Variants in PCSK5 observed in about 807,000 individuals in gnomAD.
PCSK5 encodes the protein prohormone convertase 5.
Under a neutral mutation model 233.2 loss-of-function variants are expected in PCSK5, and 129 were observed. The ratio of observed to expected loss-of-function variants is 0.55; its 90% CI spans 0.48 to 0.64. The LOEUF is 0.64. Among genes scored for constraint, PCSK5 ranks in the 30% least tolerant of loss-of-function variants. The pLI, the probability that PCSK5 is intolerant of heterozygous loss-of-function variation, is 0.00. For missense variants in PCSK5, 2,076 were observed against 2,430.1 expected, an observed-to-expected ratio of 0.85 and a Z score of 3.06; for synonymous variants, 825 against 879.2, an observed-to-expected ratio of 0.94 and a Z score of 1.09.
At chr9:76,251,260 C>G (rs573011754) in intron 24 of PCSK5, among the ~76,000 whole-genome samples, 5 of 151,530 alleles carry the variant, frequency 3.3e-5, no homozygotes, top group Non-Finnish European at 7.4e-5. Flanking sequence ...GAGTTAGACC[C>G]CATCTCTAAA....
chr9:76,111,811 C>T (rs1325911787), intron 9 of PCSK5, among the ~76,000 whole-genome samples: 2 of 152,136 alleles, frequency 1.3e-5, no homozygotes, highest in African/African-American at 4.8e-5. Flanking sequence ...CCTGGCAGAA[C>T]ACCTTATGTT....
At chr9:76,027,158 G>A (rs551149088) in intron 5 of PCSK5, 121 bp downstream of exon 5, 2 of 609,454 alleles carry the variant, frequency 3.3e-6, no homozygotes, top group Non-Finnish European at 5.8e-6. Flanking sequence ...TTTGCTCCAA[G>A]ATTAACAAGT....
intron 2 of PCSK5, among the ~76,000 whole-genome samples, chr9:75,960,694 T>C (rs1381772858): frequency 6.6e-6 from 1 of 152,210 alleles, no homozygotes; most frequent in African/African-American, 2.4e-5. Flanking sequence ...GAGATGAGCA[T>C]CGGCTCTCCT....
intron 9 of PCSK5, among the ~76,000 whole-genome samples, chr9:76,111,098 C>T (rs1832194723): frequency 6.6e-6 from 1 of 151,924 alleles, no homozygotes; most frequent in African/African-American, 2.4e-5. Flanking sequence ...CAGAGCAAGT[C>T]TCTGTCTCAA....
chr9:76,075,782 GC>G (rs1486031373), intron 7 of PCSK5, among the ~76,000 whole-genome samples: 1 of 152,106 alleles, frequency 6.6e-6, no homozygotes, highest in Non-Finnish European at 1.5e-5. Context: ...AGTCATTCTG[GC>G]CTATTGGGGT....
At chr9:76,148,024 C>T (rs893964155) in intron 10 of PCSK5, among the ~76,000 whole-genome samples, 3 of 152,016 alleles carry the variant, frequency 2.0e-5, no homozygotes, top group South Asian at 2.1e-4. Flanking sequence ...GAATTAGCTG[C>T]GTCCATTTCC....
At chr9:76,030,195 T>C (rs1828597174) in intron 5 of PCSK5, among the ~76,000 whole-genome samples, 1 of 152,160 alleles carries the variant, frequency 6.6e-6, no homozygotes, top group South Asian at 2.1e-4. Context: ...TTTTCTGTTA[T>C]TTAAGTCCAT....
At chr9:75,902,392 C>T (rs1024898208) in intron 1 of PCSK5, among the ~76,000 whole-genome samples, 2 of 151,810 alleles carry the variant, frequency 1.3e-5, no homozygotes, top group African/African-American at 4.8e-5. Context: ...GGTGGTGGGG[C>T]CAAAATAGGA....
chr9:76,119,916 C>T (rs1832568855), intron 9 of PCSK5, among the ~76,000 whole-genome samples: 1 of 151,940 alleles, frequency 6.6e-6, no homozygotes, highest in East Asian at 1.9e-4. Flanking sequence ...TTTGACCTCT[C>T]CTAACCATTT....
intron 2 of PCSK5, among the ~76,000 whole-genome samples, chr9:75,950,526 A>G (rs926506444): frequency 6.6e-6 from 1 of 152,188 alleles, no homozygotes; most frequent in Non-Finnish European, 1.5e-5. Context: ...GAGAGTGGGG[A>G]CCAATATTCA....
At chr9:76,123,285 T>G (rs1032155208) in intron 9 of PCSK5, among the ~76,000 whole-genome samples, 3 of 152,240 alleles carry the variant, frequency 2.0e-5, no homozygotes, top group African/African-American at 7.2e-5. Flanking sequence ...AACGTTATAT[T>G]GTTTGCAATG....
chr9:76,093,994 T>C (rs1332263858), intron 7 of PCSK5, among the ~76,000 whole-genome samples: 1 of 152,182 alleles, frequency 6.6e-6, no homozygotes, highest in Non-Finnish European at 1.5e-5. Context: ...ATTTCATGAA[T>C]ATTTTGATGA....
chr9:76,249,934 G>C (rs1826747213), intron 24 of PCSK5, among the ~76,000 whole-genome samples: 1 of 152,098 alleles, frequency 6.6e-6, no homozygotes. Context: ...TAAATAAATG[G>C]TGGATAAGTA....
intron 20 of PCSK5, chr9:76,205,183 T>A: frequency 1.9e-6 from 1 of 518,998 alleles, no homozygotes; most frequent in South Asian, 1.4e-5. Flanking sequence ...TTTGCAGCTA[T>A]CTCACTACTA....
chr9:76,040,377 C>CTCTGTCTCTCTG (rs770227021), intron 5 of PCSK5, among the ~76,000 whole-genome samples: 5 of 59,798 alleles, frequency 8.4e-5, no homozygotes, highest in African/African-American at 3.3e-4. Flanking sequence ...CTCTCTCTCT[C>CTCTGTCTCTCTG]TCTCTCTGTC....
intron 34 of PCSK5, 135 bp downstream of exon 34, chr9:76,332,745 G>A: frequency 1.5e-6 from 1 of 656,456 alleles, no homozygotes; most frequent in South Asian, 2.0e-5. Flanking sequence ...AAGGAGCAAA[G>A]ATGAACCAAT....
At chr9:76,002,311 T>G (rs997115807) in intron 3 of PCSK5, among the ~76,000 whole-genome samples, 15 of 152,212 alleles carry the variant, frequency 9.9e-5, no homozygotes, top group African/African-American at 3.6e-4. Flanking sequence ...ATCTTTAGTT[T>G]GATTACACGG....
At chr9:76,132,056 A>AT (rs964566673) in intron 9 of PCSK5, among the ~76,000 whole-genome samples, 11 of 151,978 alleles carry the variant, frequency 7.2e-5, no homozygotes, top group Non-Finnish European at 1.3e-4. Context: ...CTTTCTTGTT[A>AT]TTTTTGTCAT....
chr9:76,211,124 T>G (rs1278667689), intron 20 of PCSK5, among the ~76,000 whole-genome samples: 1 of 152,192 alleles, frequency 6.6e-6, no homozygotes. Context: ...AGATCTGGAC[T>G]GAGAAGAATT....
Sources: allele counts gnomAD v4.1 joint callset (sites outside exome capture counted in the v4.1 genomes callset), GRCh38; gene constraint gnomAD v4.1.1; transcripts MANE v1.5; gene names NCBI Gene and HGNC (gene_info 2026-07-23, HGNC 2026-07-21).